NBPF20: variants seen among roughly 807,000 people sequenced by gnomAD.
NBPF20 encodes the protein NBPF family member NBPF20.
NBPF20 carries 90 observed loss-of-function variants against 68.1 expected under a neutral mutation model. The observed-to-expected ratio is 1.32, with a 90% confidence interval of 1.11 to 1.58. The LOEUF (loss-of-function observed/expected upper bound fraction) is 1.58. NBPF20 is among the 40% of genes most tolerant of loss of function. NBPF20 has a pLI of 0.00. For synonymous variants in NBPF20, 290 were observed against 228.1 expected (o/e 1.27, Z -2.45); for missense variants, 816 against 601.2 (o/e 1.36, Z -3.74).
intron 9 of NBPF20, 88 bp from the exon 15 acceptor site, chr1:145,393,334 G>T: frequency 2.9e-6 from 2 of 688,174 alleles, no homozygotes; most frequent in Non-Finnish European, 2.7e-6. Context: ...ACGTAAGGAA[G>T]AGTTTGAAAA....
chr1:145,425,005 G>T, the NBPF20 span, among the ~76,000 whole-genome samples: 7,908 of 151,898 alleles, frequency 0.052, 700 homozygotes, highest in African/African-American at 0.18. Flanking sequence ...GGCAACCGAT[G>T]TCTGGCCTCG....
chr1:145,424,063 C>T, the NBPF20 span, among the ~76,000 whole-genome samples: 1 of 145,624 alleles, frequency 6.9e-6, no homozygotes. Context: ...GCAATCTCAA[C>T]CTCCTGGGCT....
chr1:145,394,803 C>T lies in NBPF20; in HGVS notation c.991+175G>A, dbSNP rs1302014812. ...GAAGAGAGCAAAGCTCACTGACCCA[C>T]CCCATGCCTGTGCTTCAGACTCGAC... On this transcript the variant is annotated intron_variant, in intron 8 of 137. Transcript: ENST00000369373. 5.9e-5 allele frequency among the ~76,000 whole-genome samples: 9 copies of T among 152,356 alleles called. No homozygotes were observed. The South Asian group carries it at 8.3e-4, about 14-fold the overall frequency.
chr1:145,397,162 C>G (rs1662290346), intron 7 of NBPF20, among the ~76,000 whole-genome samples: 2 of 147,198 alleles, frequency 1.4e-5, no homozygotes, highest in African/African-American at 5.1e-5. Context: ...TTAATCCAGT[C>G]TATCATTGCT....
intron 115 of NBPF20, among the ~76,000 whole-genome samples, chr1:145,309,469 C>G (rs1312343961): frequency 1.3e-4 from 9 of 71,266 alleles, no homozygotes; most frequent in East Asian, 2.8e-4. Context: ...CACACACACA[C>G]ACACACACAC....
chr1:145,410,243 T>C (rs1474884312), upstream of NBPF20, among the ~76,000 whole-genome samples: 1 of 151,952 alleles, frequency 6.6e-6, no homozygotes, highest in Non-Finnish European at 1.5e-5. Context: ...ATCTCATTGT[T>C]GCACTGATTG....
exon 138 of NBPF20, chr1:145,291,188 C>G: frequency 2.2e-6 from 1 of 450,280 alleles, no homozygotes; most frequent in South Asian, 2.3e-5. Context: ...TGACAATGAC[C>G]TTGAGCAGGT....
At chr1:145,292,532 C>T (rs782265199) in intron 136 of NBPF20, 43 bp from the exon 142 acceptor site, 3 of 681,628 alleles carry the variant, frequency 4.4e-6, no homozygotes, top group Non-Finnish European at 5.1e-6. Context: ...AAGCTGATTC[C>T]CCTACACACA....
chr1:145,335,145 GT>G (rs1661572498), intron 83 of NBPF20, 96 bp downstream of exon 88: 1 of 268,630 alleles, frequency 3.7e-6, no homozygotes, highest in Non-Finnish European at 7.1e-6. Flanking sequence ...TTCAACCTTC[GT>G]TGAAAACATG....
In NBPF20 at chr1:145,396,824, T is replaced by C. The variant is rs1415173610; in HGVS notation, c.828-1683A>G. On this transcript the variant is annotated intron_variant, in intron 7 of 137. Coordinates refer to ENST00000369373, the Ensembl canonical transcript of NBPF20. Reference sequence around the variant, plus strand: ...AGGGTACATGTGCACAACGTGCAGGTTAGTTACATATGTATACATGTCCAC... The same window carrying C: ...AGGGTACATGTGCACAACGTGCAGGCTAGTTACATATGTATACATGTCCAC... 1.9e-3 allele frequency among the ~76,000 whole-genome samples: 271 copies of C among 146,390 alleles called. 1 individual carries two copies. The highest frequency in any genetic ancestry group is 3.6e-3 in the Middle Eastern group (1 of 280).
chr1:145,291,525 T>A (rs782220257), exon 138 of NBPF20: 1 of 1,611,868 alleles, frequency 6.2e-7, no homozygotes, highest in East Asian at 2.2e-5. Flanking sequence ...GTAAGGGCTG[T>A]TTATTGTGGG....
chr1:145,410,060 C>CT (rs1553668608), upstream of NBPF20, among the ~76,000 whole-genome samples: 1 of 151,828 alleles, frequency 6.6e-6, no homozygotes, highest in African/African-American at 2.4e-5. Context: ...AATGGAATGA[C>CT]TGTCTATCTG....
At chr1:145,395,132 C>T (rs1662160437) in exon 8 of NBPF20, 24 of 1,557,368 alleles carry the variant, frequency 1.5e-5, no homozygotes, top group Non-Finnish European at 2.1e-5. Flanking sequence ...CTTCAGACTC[C>T]TGCAGATTCC....
intron 111 of NBPF20, 143 bp from the exon 117 acceptor site, chr1:145,312,523 A>T: frequency 5.6e-4 from 6 of 10,728 alleles, no homozygotes; most frequent in Non-Finnish European, 8.9e-4. Flanking sequence ...TATTGCCTTT[A>T]TGTTGGGATA....
At chr1:145,393,469 A>ACACACC (rs1553662703) in intron 9 of NBPF20, among the ~76,000 whole-genome samples, 1 of 144,312 alleles carries the variant, frequency 6.9e-6, no homozygotes, top group African/African-American at 2.5e-5. Context: ...ACACACACAC[A>ACACACC]CACACACACA....
chr1:145,403,593 C>G (rs1343219705), intron 2 of NBPF20, among the ~76,000 whole-genome samples: 40 of 152,274 alleles, frequency 2.6e-4, no homozygotes, highest in Non-Finnish European at 5.3e-4. Flanking sequence ...ATTCACAGTC[C>G]GTGAGGTCTG....
chr1:145,394,914 A>G, intron 8 of NBPF20, 64 bp downstream of exon 13: 1 of 1,589,012 alleles, frequency 6.3e-7, no homozygotes, highest in Non-Finnish European at 8.6e-7. Flanking sequence ...ACAAGGCCCA[A>G]AGATTATGGG....
chr1:145,395,894 G>T (rs2101547261), intron 7 of NBPF20, among the ~76,000 whole-genome samples: 1 of 146,286 alleles, frequency 6.8e-6, no homozygotes, highest in East Asian at 2.0e-4. Flanking sequence ...CAAAGGTGGG[G>T]AGAAACCAGA....
the NBPF20 span, among the ~76,000 whole-genome samples, chr1:145,419,951 G>A: frequency 1.3e-5 from 2 of 151,922 alleles, no homozygotes; most frequent in African/African-American, 4.8e-5. Flanking sequence ...TTCAAAAGTG[G>A]CCTCTCTTTT....
Sources: allele counts gnomAD v4.1 joint callset (sites outside exome capture counted in the v4.1 genomes callset), GRCh38; gene constraint gnomAD v4.1.1; transcripts MANE v1.5; gene names NCBI Gene and HGNC (gene_info 2026-07-23, HGNC 2026-07-21).